The following TEX22 variants were observed in gnomAD, a reference collection of about 807,000 sequenced individuals.
TEX22 encodes testis expressed 22, also known as testis-expressed protein 22.
In TEX22, 16 loss-of-function variants were observed where a neutral mutation model predicts 11.3. That is an observed-to-expected ratio of 1.42 (90% CI 0.96 to 2.15). The LOEUF (loss-of-function observed/expected upper bound fraction) is 2.15. Among genes scored for constraint, TEX22 ranks in the 30% most tolerant of loss-of-function variants. The pLI, the probability that TEX22 is intolerant of heterozygous loss-of-function variation, is 0.00. For missense variants in TEX22, 220 were observed against 208.6 expected, an observed-to-expected ratio of 1.05 and a Z score of -0.34; for synonymous variants, 97 against 92.3, an observed-to-expected ratio of 1.05 and a Z score of -0.29.
intron 2 of TEX22, among the ~76,000 whole-genome samples, chr14:105,407,083 T>G (rs2081662404): frequency 6.6e-6 from 1 of 151,298 alleles, no homozygotes; most frequent in Non-Finnish European, 1.5e-5. Context: ...TTTTTTTTTT[T>G]TTTTGAGACA....
In TEX22 at chr14:105,411,907, C is replaced by T. The variant is rs2081696136; in HGVS notation, c.*74C>T. The T allele has an allele frequency of 7.4e-7, 1 of 1,342,468 alleles. No homozygotes were observed. Among genetic ancestry groups the T allele is most frequent in the South Asian group, 1.6e-5 (1 of 63,204 alleles). 83.2% of individuals were successfully genotyped at this position (1,342,468 alleles called of 1,614,324 possible). A position where few individuals can be genotyped will look rare whatever the true frequency, so the allele number is the denominator to read the frequency against. ...CCCACGGTGGGGGCAGCCTCTGCGC[C>T]TTCTTTGTGCCCCACCAGGGGGTCA... is the stretch of plus-strand genomic sequence containing the variant. On this transcript the variant is annotated 3_prime_UTR_variant, in exon 4 of 4. Transcript: ENST00000451127.
intron 1 of TEX22, 145 bp from the exon 2 acceptor site, chr14:105,399,157 G>T: frequency 1.7e-6 from 1 of 593,334 alleles, no homozygotes; most frequent in Non-Finnish European, 3.0e-6. Flanking sequence ...CCACCCAGAG[G>T]GGTCAGTGAT....
At chr14:105,399,944 T>C (rs2081616991) in intron 2 of TEX22, among the ~76,000 whole-genome samples, 1 of 152,230 alleles carries the variant, frequency 6.6e-6, no homozygotes, top group Non-Finnish European at 1.5e-5. Context: ...TCTGCTGTGA[T>C]TCCCCAAACT....
chr14:105,409,636 C>T (rs2081677987), intron 2 of TEX22, among the ~76,000 whole-genome samples: 1 of 151,898 alleles, frequency 6.6e-6, no homozygotes, highest in Non-Finnish European at 1.5e-5. Flanking sequence ...CCTCAGCCTC[C>T]TGAAGTGCTT....
chr14:105,405,684 C>T (rs1198081112), intron 2 of TEX22, among the ~76,000 whole-genome samples: 5 of 152,194 alleles, frequency 3.3e-5, no homozygotes, highest in Admixed American at 3.3e-4. Context: ...TCTCATAGAC[C>T]TGTTCCTGAG....
At position 105,402,590 on chromosome 14, in the gene TEX22, TA is replaced by T. The variant is rs587733868; in HGVS notation, c.150+3106del. On this transcript the variant is annotated intron_variant, in intron 2 of 3. Transcript: ENST00000451127. ...TAACACGGTGAAACCCCGTCTCTAC[TA>T]AAAAATACAAAAAAATTAGCCGGGC... Among the ~76,000 whole-genome samples, 1,467 of 151,380 alleles carry T rather than the reference TA, an allele frequency of 9.7e-3. 37 individuals are homozygous for T. Among genetic ancestry groups the T allele is most frequent in the Admixed American group, 0.055 (838 of 15,212 alleles).
At position 105,411,462 on chromosome 14, in the gene TEX22, G is replaced by C. The variant is rs959396280; in HGVS notation, c.245G>C (p.Arg82Thr). The part of the protein sequence containing the change: ...RRLATLGGRE[R>T]PGAAGTQLHC... ...CTGGCCACGCTGGGCGGCCGGGAGA[G>C]GCCGGGCGCCGCCGGGACCCAGCTG... The change falls in exon 3 of 4, where the codon AGG (arginine) becomes ACG (threonine). Residue 82 changes from arginine (R) to threonine (T), a missense_variant. Arg to Thr is a moderately conservative substitution (Grantham distance 71). Coordinates refer to ENST00000451127, the MANE Select transcript of TEX22 (RefSeq NM_001195082.2). The C allele has an allele frequency of 7.3e-6, 9 of 1,233,000 alleles. No homozygotes were observed. The Admixed American group carries it at 3.9e-4, about 53-fold the overall frequency. The allele number at this position is 1,233,000 out of a possible 1,614,324, so 76.4% of individuals were successfully genotyped here.
In TEX22 at chr14:105,411,158, G is replaced by A. The variant is rs1030002606; in HGVS notation, c.151-210G>A. Among the ~76,000 whole-genome samples the A allele has an allele frequency of 2.0e-5, 3 of 152,252 alleles. No homozygotes were observed. In the East Asian group the frequency reaches 5.8e-4, roughly 29 times the overall value. On this transcript the variant is annotated intron_variant, in intron 2 of 3. Transcript: ENST00000451127. ...CGGGGCAGGTACTGGGTTGGGCGGT[G>A]TCCTGGCACAGATGACTGTGCAAAG...
chr14:105,403,792 G>T (rs587688085), intron 2 of TEX22, among the ~76,000 whole-genome samples: 1 of 152,272 alleles, frequency 6.6e-6, no homozygotes, highest in Admixed American at 6.5e-5. Flanking sequence ...CAGACTTCAT[G>T]AATCTTGAAA....
Position 105,411,867 on chromosome 14 carries a change from G to T in TEX22, c.*34G>T, listed in dbSNP as rs1358327918. The T allele has an allele frequency of 5.8e-6, 8 of 1,372,192 alleles. No individual in the cohort carries two copies. Among genetic ancestry groups the T allele is most frequent in the African/African-American group, 1.5e-5 (1 of 65,728 alleles). The allele number at this position is 1,372,192 out of a possible 1,614,324, so 85.0% of individuals were successfully genotyped here. On this transcript the variant is annotated 3_prime_UTR_variant, in exon 4 of 4. Coordinates refer to ENST00000451127, the MANE Select transcript of TEX22 (RefSeq NM_001195082.2). ...TTCAGCCCATTGTCTGTCTTCCAGT[G>T]CCTTTCCTTGGGGGCCCACGGTGGG...
At chr14:105,399,274 C>T in intron 1 of TEX22, 28 bp from the exon 2 acceptor site, 2 of 1,222,976 alleles carry the variant, frequency 1.6e-6, no homozygotes, top group Non-Finnish European at 2.2e-6. Context: ...GTGGGCCCCG[C>T]CCCACCTCCC....
chr14:105,403,078 C>T (rs1041217046), intron 2 of TEX22, among the ~76,000 whole-genome samples: 4 of 152,186 alleles, frequency 2.6e-5, no homozygotes, highest in Admixed American at 2.6e-4. Context: ...CACTGCAGAG[C>T]AGGGCATCCT....
In TEX22 at chr14:105,399,447, G is replaced by A; in HGVS notation, c.107G>A (p.Ser36Asn). 6.5e-7 allele frequency: 1 copy of A among 1,535,762 alleles called. No individual in the cohort carries two copies. The highest frequency in any genetic ancestry group is 8.7e-7 in the Non-Finnish European group (1 of 1,146,772). The change falls in exon 2 of 4, where the codon AGT becomes AAT. Residue 36 changes from serine (S) to asparagine (N), a missense_variant. Ser to Asn is a conservative substitution (Grantham distance 46). Transcript: ENST00000451127. Reference protein sequence around the residue: ...LGLIAAWGQPSIQSSVQQGLQ... With the variant: ...LGLIAAWGQPNIQSSVQQGLQ... The stretch of plus-strand genomic sequence containing the variant: ...CTGATAGCAGCCTGGGGCCAGCCCA[G>A]TATCCAGAGCAGCGTTCAGCAGGGA...
rs782360783 is a variant in TEX22 at position 105,408,246 on chromosome 14, CT to C, written c.151-3108del. On this transcript the variant is annotated intron_variant, in intron 2 of 3. Transcript: ENST00000451127. ...CCTCCTTTTCTTTCTTTCTTTCTTC[CT>C]TTTTTTTTTTTTTGAAACGGAGTCT... Among the ~76,000 whole-genome samples the C allele has an allele frequency of 6.5e-3, 927 of 143,118 alleles. 2 individuals are homozygous for C. The highest frequency in any genetic ancestry group is 0.016 in the African/African-American group (627 of 39,278). 93.9% of individuals were successfully genotyped at this position (143,118 alleles called of 152,430 possible). A position where few individuals can be genotyped will look rare whatever the true frequency, so the allele number is the denominator to read the frequency against.
Position 105,404,535 on chromosome 14 carries a change from T to C in TEX22, c.150+5045T>C, listed in dbSNP as rs185773143. On this transcript the variant is annotated intron_variant, in intron 2 of 3. Transcript: ENST00000451127. ...TTAGTCTATACGCTTTAAGAAATTA[T>C]GTACTGAGAAGCATAATAGTGAAAT... Among the ~76,000 whole-genome samples the C allele has an allele frequency of 2.7e-4, 41 of 152,322 alleles. No individual in the cohort carries two copies. The South Asian group carries it at 5.4e-3, about 20-fold the overall frequency.
At chr14:105,399,539 G>T in intron 2 of TEX22, 49 bp downstream of exon 2, 2 of 1,476,382 alleles carry the variant, frequency 1.4e-6, no homozygotes, top group South Asian at 2.6e-5. Flanking sequence ...TCCCCAGCCC[G>T]CCTGAGGCCG....
intron 1 of TEX22, among the ~76,000 whole-genome samples, chr14:105,399,075 C>T (rs1359453238): frequency 6.6e-6 from 1 of 152,192 alleles, no homozygotes; most frequent in Non-Finnish European, 1.5e-5. Context: ...GGGGTGGGGT[C>T]GGCAGGGGCA....
chr14:105,403,904 C>CT (rs1555418663), intron 2 of TEX22, among the ~76,000 whole-genome samples: 1 of 152,250 alleles, frequency 6.6e-6, no homozygotes, highest in Admixed American at 6.5e-5. Flanking sequence ...AGGCTGGTCT[C>CT]TAACTCCTGG....
chr14:105,408,775 C>T (rs190259214), intron 2 of TEX22, among the ~76,000 whole-genome samples: 65 of 152,270 alleles, frequency 4.3e-4, no homozygotes, highest in African/African-American at 1.5e-3. Flanking sequence ...TGCCCCACCG[C>T]AGAGACGAAG....
Sources: allele counts gnomAD v4.1 joint callset (sites outside exome capture counted in the v4.1 genomes callset), GRCh38; gene constraint gnomAD v4.1.1; transcripts MANE v1.5; gene names NCBI Gene and HGNC (gene_info 2026-07-23, HGNC 2026-07-21).